TBC1D26: variants seen among roughly 807,000 people sequenced by gnomAD.
TBC1D26 encodes the protein TBC1 domain family member 26.
Under a neutral mutation model 42.5 loss-of-function variants are expected in TBC1D26, and 19 were observed. The ratio of observed to expected loss-of-function variants is 0.45; its 90% CI spans 0.31 to 0.66. TBC1D26 has a LOEUF of 0.66. TBC1D26 is among the 30% of genes least tolerant of loss of function. The probability of loss-of-function intolerance (pLI) is 0.06; values close to 1 mark genes in which losing one functional copy is unlikely to be tolerated. For synonymous variants in TBC1D26, 97 were observed against 123.5 expected, an observed-to-expected ratio of 0.79 and a Z score of 1.42; for missense variants, 228 against 332.6, an observed-to-expected ratio of 0.69 and a Z score of 2.45.
chr17:15,740,800 C>T, intron 9 of TBC1D26: 1 of 816,142 alleles, frequency 1.2e-6, no homozygotes, highest in Non-Finnish European at 1.6e-6. Flanking sequence ...ACAGGTGCTG[C>T]CCCAGGCCTG....
At chr17:15,741,828 G>T in intron 10 of TBC1D26, 114 bp from the exon 11 acceptor site, 1 of 944,110 alleles carries the variant, frequency 1.1e-6, no homozygotes, top group Non-Finnish European at 1.6e-6. Context: ...TCACCACATG[G>T]GAGGGAGGGA....
Position 15,743,359 on chromosome 17 carries a change from C to T in TBC1D26, c.908-8C>T. 1 of 986,062 alleles carries T rather than the reference C, an allele frequency of 1.0e-6. No homozygotes were observed. The highest frequency in any genetic ancestry group is 1.2e-6 in the Non-Finnish European group (1 of 829,984). 61.1% of individuals were successfully genotyped at this position (986,062 alleles called of 1,614,324 possible). On this transcript the variant is annotated splice_polypyrimidine_tract_variant and splice_region_variant and intron_variant, in intron 13 of 14. Coordinates refer to ENST00000437605, the MANE Select transcript of TBC1D26 (RefSeq NM_001388465.1). ...ACCCTCCTGGCCTGATGCCCGCCCT[C>T]TCCCTAGAGCACCTCATGAAGCTTT...
In TBC1D26 at chr17:15,739,810, C is replaced by G. The variant is rs558391685; in HGVS notation, c.498-290C>G. On this transcript the variant is annotated intron_variant, in intron 8 of 14. Coordinates refer to ENST00000437605, the MANE Select transcript of TBC1D26 (RefSeq NM_001388465.1). The stretch of plus-strand genomic sequence containing the variant: ...TTCAGAACCGTGGAACTGCACGTCC[C>G]AAAGACTGGACTTCTGTGTGTGCAA... 5.3e-5 allele frequency among the ~76,000 whole-genome samples: 8 copies of G among 152,378 alleles called. No homozygotes were observed. The South Asian group carries it at 1.7e-3, about 32-fold the overall frequency.
At position 15,737,988 on chromosome 17, in the gene TBC1D26, A is replaced by G; in HGVS notation, c.199-9A>G. ...AGCTCCGCTAACTCCATCATGGCTCATTTGACAGCAAAGACGCAAGGAAAG... is the reference window on the plus strand; with the variant it reads ...AGCTCCGCTAACTCCATCATGGCTCGTTTGACAGCAAAGACGCAAGGAAAG... On this transcript the variant is annotated splice_polypyrimidine_tract_variant and intron_variant, in intron 5 of 14. Transcript: ENST00000437605. The G allele has an allele frequency of 6.2e-7, 1 of 1,614,054 alleles. No individual in the cohort carries two copies. The highest frequency in any genetic ancestry group is 1.1e-5 in the South Asian group (1 of 91,076).
chr17:15,741,733 C>T (rs1967787638), intron 10 of TBC1D26: 3 of 574,068 alleles, frequency 5.2e-6, no homozygotes, highest in Non-Finnish European at 9.3e-6. Flanking sequence ...TGCAGGCTGC[C>T]CTCCTGGCAC....
chr17:15,741,835 G>A, intron 10 of TBC1D26, 107 bp from the exon 11 acceptor site: 1 of 1,025,066 alleles, frequency 9.8e-7, no homozygotes, highest in Non-Finnish European at 1.5e-6. Context: ...ATGGGAGGGA[G>A]GGAGGCCTCG....
At chr17:15,743,913 A>T (rs532648877) in intron 14 of TBC1D26, 1 of 151,878 alleles carries the variant, frequency 6.6e-6, no homozygotes, top group African/African-American at 2.4e-5. Context: ...AGCCGAGATC[A>T]CACCACTGCA....
intron 14 of TBC1D26, 67 bp from the exon 15 acceptor site, chr17:15,744,176 A>G (rs1967862485): frequency 6.6e-6 from 1 of 152,160 alleles, no homozygotes; most frequent in Non-Finnish European, 1.5e-5. Flanking sequence ...ACACTTGTAT[A>G]GCTGTGCACA....
chr17:15,743,543 G>T, intron 14 of TBC1D26, 27 bp downstream of exon 14: 1 of 954,026 alleles, frequency 1.0e-6, no homozygotes. Flanking sequence ...GGTACCCTCT[G>T]GAGTCACCCT....
chr17:15,741,312 G>A, intron 10 of TBC1D26, 91 bp downstream of exon 10: 1 of 1,594,180 alleles, frequency 6.3e-7, no homozygotes, highest in Non-Finnish European at 8.5e-7. Flanking sequence ...CGGTGACCCT[G>A]ACTTCCAGGC....
chr17:15,738,583 G>A (rs2151500161), intron 7 of TBC1D26, 138 bp from the exon 8 acceptor site: 1 of 1,479,378 alleles, frequency 6.8e-7, no homozygotes. Flanking sequence ...TCAGAAACAA[G>A]GTAAAAAGGA....
At chr17:15,739,709 C>A (rs754450315) in intron 8 of TBC1D26, among the ~76,000 whole-genome samples, 1 of 152,290 alleles carries the variant, frequency 6.6e-6, no homozygotes, top group South Asian at 2.1e-4. Flanking sequence ...GCAAAGGGGA[C>A]GTGCTGGGGA....
chr17:15,736,250 G>C (rs1967610319), intron 4 of TBC1D26, among the ~76,000 whole-genome samples: 1 of 152,262 alleles, frequency 6.6e-6, no homozygotes, highest in Non-Finnish European at 1.5e-5. Context: ...GAGTGGTGCA[G>C]GGAAGGGACC....
In TBC1D26 at chr17:15,739,437, A is replaced by G. The variant is rs541199679; in HGVS notation, c.497+607A>G. Among the ~76,000 whole-genome samples the G allele has an allele frequency of 9.8e-5, 15 of 152,392 alleles. No individual in the cohort carries two copies. In the South Asian group the frequency reaches 3.1e-3, roughly 32 times the overall value. ...TAACTCACACCCGGAGGCTACGGAG[A>G]TGATCTTCAACATGGGAACTAGGGA... On this transcript the variant is annotated intron_variant, in intron 8 of 14. Coordinates refer to ENST00000437605, the MANE Select transcript of TBC1D26 (RefSeq NM_001388465.1).
intron 5 of TBC1D26, chr17:15,737,752 C>T (rs1484912459): frequency 2.5e-6 from 2 of 809,082 alleles, no homozygotes; most frequent in South Asian, 3.6e-5. Context: ...GAACCAAGAC[C>T]CCAGCTGAAG....
intron 9 of TBC1D26, chr17:15,740,771 C>T (rs1967755545): frequency 1.0e-6 from 1 of 980,082 alleles, no homozygotes; most frequent in Admixed American, 4.5e-5. Flanking sequence ...GCTGCCTGCC[C>T]TCGTGGCAGG....
chr17:15,739,645 G>C (rs1244721644), intron 8 of TBC1D26, among the ~76,000 whole-genome samples: 2 of 152,300 alleles, frequency 1.3e-5, no homozygotes, highest in Non-Finnish European at 2.9e-5. Flanking sequence ...AAACCATAGA[G>C]ACAGAGAACA....
chr17:15,741,289 C>G (rs748820186), intron 10 of TBC1D26, 68 bp downstream of exon 10: 3 of 1,606,664 alleles, frequency 1.9e-6, no homozygotes, highest in South Asian at 2.2e-5. Flanking sequence ...TGCCAGGGGA[C>G]AGCCACCCTG....
chr17:15,738,710 C>A lies in TBC1D26; in HGVS notation c.388-11C>A. On this transcript the variant is annotated splice_polypyrimidine_tract_variant and intron_variant, in intron 7 of 14. Coordinates refer to ENST00000437605, the MANE Select transcript of TBC1D26 (RefSeq NM_001388465.1). ...CTGAGGCTGCTTCCTCCTCTTGGCC[C>A]TGCCCTACAGGTCATGAAGGAGAAG... 6.2e-7 allele frequency: 1 copy of A among 1,613,970 alleles called. No homozygotes were observed. The highest frequency in any genetic ancestry group is 1.1e-5 in the South Asian group (1 of 91,070).
Sources: allele counts gnomAD v4.1 joint callset (sites outside exome capture counted in the v4.1 genomes callset), GRCh38; gene constraint gnomAD v4.1.1; transcripts MANE v1.5; gene names NCBI Gene and HGNC (gene_info 2026-07-23, HGNC 2026-07-21).